The following TMEM232 variants were observed in gnomAD, a reference collection of about 807,000 sequenced individuals.
TMEM232 encodes the protein transmembrane protein 232.
A neutral mutation model predicts 78.8 loss-of-function variants in TMEM232; 80 were observed. The ratio of observed to expected loss-of-function variants is 1.01; its 90% confidence interval spans 0.85 to 1.22. The LOEUF (loss-of-function observed/expected upper bound fraction) is 1.22. Among genes scored for constraint, TMEM232 ranks in the 50% most tolerant of loss-of-function variants. The pLI, the probability that TMEM232 is intolerant of heterozygous loss-of-function variation, is 0.00. For missense variants in TMEM232, 881 were observed against 742.2 expected (o/e 1.19, Z -2.17); for synonymous variants, 297 against 254.3 (o/e 1.17, Z -1.60).
chr5:110,613,188 G>A (rs1782525261), intron 8 of TMEM232, among the ~76,000 whole-genome samples: 1 of 152,084 alleles, frequency 6.6e-6, no homozygotes, highest in African/African-American at 2.4e-5. Flanking sequence ...GAGCCCTTTT[G>A]TGGATCCTGA....
intron 12 of TMEM232, among the ~76,000 whole-genome samples, chr5:110,520,075 G>A (rs1433337747): frequency 1.4e-5 from 2 of 148,022 alleles, no homozygotes; most frequent in East Asian, 2.0e-4. Flanking sequence ...AGAGGATTAG[G>A]TAGGAGGAGT....
intron 1 of TMEM232, among the ~76,000 whole-genome samples, chr5:110,678,795 T>C (rs1248593591): frequency 1.3e-5 from 2 of 152,154 alleles, no homozygotes; most frequent in Admixed American, 6.5e-5. Context: ...CCTTTTCAGA[T>C]TGGCTTATTT....
In TMEM232 at chr5:110,528,701, G is replaced by T. The variant is rs1196129157; in HGVS notation, c.1590C>A (p.Pro530=). The T allele has an allele frequency of 2.0e-6, 3 of 1,534,652 alleles. No homozygotes were observed. The highest frequency in any genetic ancestry group is 2.0e-5 in the Admixed American group (1 of 50,850). The change falls in exon 12 of 14, where the codon CCC becomes CCA. Residue 530 remains proline, a synonymous_variant. Transcript: ENST00000455884. ...ANTLSKLFFP[P]IEAHFLPLKK... is the part of the protein sequence containing the mutation. ...TCAAAGGAAGAAAATGGGCCTCAAT[G>T]GGGGGAAAGAATAGTTTGGAAAGAG...
intron 10 of TMEM232, among the ~76,000 whole-genome samples, chr5:110,588,358 C>T (rs1374119721): frequency 6.6e-6 from 1 of 152,086 alleles, no homozygotes; most frequent in Non-Finnish European, 1.5e-5. Context: ...CACATGTCTT[C>T]ACATCATATT....
intron 13 of TMEM232, among the ~76,000 whole-genome samples, chr5:110,421,804 T>C (rs997949364): frequency 2.6e-5 from 4 of 152,208 alleles, no homozygotes; most frequent in African/African-American, 9.6e-5. Context: ...AATGTTAATA[T>C]ACTCATGTTA....
Position 110,643,218 on chromosome 5 carries a change from C to T in TMEM232, c.126-847G>A, listed in dbSNP as rs184876445. Among the ~76,000 whole-genome samples, 9 of 151,996 alleles carry T rather than the reference C, an allele frequency of 5.9e-5. No homozygotes were observed. The East Asian group carries it at 1.5e-3, about 26-fold the overall frequency. ...AAGATGGGGAAAATTGTTAGAGAAGCGGATGTGGGGTGAAGATAGAGAATA... is the reference window on the plus strand; with the variant it reads ...AAGATGGGGAAAATTGTTAGAGAAGTGGATGTGGGGTGAAGATAGAGAATA... On this transcript the variant is annotated intron_variant, in intron 2 of 13. Transcript: ENST00000455884.
chr5:110,732,640 A>G (rs189329264), intron 2 of TMEM232, among the ~76,000 whole-genome samples: 13 of 152,320 alleles, frequency 8.5e-5, no homozygotes, highest in Admixed American at 4.6e-4. Flanking sequence ...CCATGATTCA[A>G]TTACCTCCCC....
intron 2 of TMEM232, among the ~76,000 whole-genome samples, chr5:110,414,268 T>C (rs1004800658): frequency 2.0e-5 from 3 of 152,224 alleles, no homozygotes; most frequent in African/African-American, 7.2e-5. Flanking sequence ...ACAAGTGCAT[T>C]ATTTTTAATA....
At chr5:110,638,545 G>A (rs1786219786) in intron 4 of TMEM232, among the ~76,000 whole-genome samples, 190 bp from the exon 5 acceptor site, 1 of 152,096 alleles carries the variant, frequency 6.6e-6, no homozygotes, top group East Asian at 1.9e-4. Context: ...TTAAACTTGA[G>A]CAGGCCCTGT....
At chr5:110,484,631 A>T (rs1764262904) in intron 12 of TMEM232, among the ~76,000 whole-genome samples, 1 of 152,116 alleles carries the variant, frequency 6.6e-6, no homozygotes, top group Non-Finnish European at 1.5e-5. Context: ...TAAAATACAC[A>T]AACAGTAATC....
chr5:110,550,685 G>T (rs1443185493), intron 11 of TMEM232, among the ~76,000 whole-genome samples: 1 of 151,524 alleles, frequency 6.6e-6, no homozygotes, highest in African/African-American at 2.4e-5. Flanking sequence ...TAGAAATTGG[G>T]AAATACCTTA....
chr5:110,455,348 T>A (rs750817606), intron 12 of TMEM232, among the ~76,000 whole-genome samples: 1 of 151,996 alleles, frequency 6.6e-6, no homozygotes, highest in Non-Finnish European at 1.5e-5. Context: ...AAAAACCTAG[T>A]GAACAATATT....
rs539918226 is a variant in TMEM232, at chr5:110,597,121, G to A, written c.1276+7988C>T. Among the ~76,000 whole-genome samples the A allele has an allele frequency of 4.1e-4, 62 of 152,194 alleles. No individual in the cohort carries two copies. In the East Asian group the frequency reaches 0.011, roughly 27 times the overall value. On this transcript the variant is annotated intron_variant, in intron 10 of 13. Transcript: ENST00000455884. ...GATTGTATATCTAGAAAACCCCATT[G>A]TCTCAGCCCAAAATCTCCTTAAGCT...
intron 7 of TMEM232, among the ~76,000 whole-genome samples, chr5:110,622,704 C>T (rs1436125642): frequency 2.0e-5 from 3 of 151,904 alleles, no homozygotes; most frequent in African/African-American, 4.8e-5. Context: ...TGGGTATATA[C>T]CCAGTAATGG....
chr5:110,523,472 G>A (rs1038565793), intron 12 of TMEM232, among the ~76,000 whole-genome samples: 1 of 151,754 alleles, frequency 6.6e-6, no homozygotes, highest in African/African-American at 2.4e-5. Flanking sequence ...TGTAAATTTA[G>A]GTTGTTTATT....
chr5:110,546,515 A>C (rs1350203967), intron 11 of TMEM232, among the ~76,000 whole-genome samples: 1 of 152,136 alleles, frequency 6.6e-6, no homozygotes, highest in African/African-American at 2.4e-5. Context: ...GTTATGTTTC[A>C]CTCTATGTAG....
At chr5:110,549,141 AC>A (rs1263544513) in intron 11 of TMEM232, among the ~76,000 whole-genome samples, 8 of 152,144 alleles carry the variant, frequency 5.3e-5, no homozygotes, top group Admixed American at 1.3e-4. Context: ...TTAATAGTGT[AC>A]AAAACACATA....
intron 12 of TMEM232, among the ~76,000 whole-genome samples, chr5:110,455,309 TTAAAACA>T (rs1760776732): frequency 6.6e-6 from 1 of 152,030 alleles, no homozygotes; most frequent in African/African-American, 2.4e-5. Context: ...TGCCCTGATA[TTAAAACA>T]AACAAAAAAG....
At chr5:110,582,033 A>G (rs371934940) in intron 10 of TMEM232, among the ~76,000 whole-genome samples, 6 of 152,152 alleles carry the variant, frequency 3.9e-5, no homozygotes, top group African/African-American at 1.4e-4. Flanking sequence ...GTTGCAGAGA[A>G]AAGGGAATGC....
Sources: gnomAD v4.1 joint callset for allele counts (sites outside exome capture counted in the v4.1 genomes callset) on GRCh38, gnomAD v4.1.1 for gene constraint, MANE v1.5 for transcripts, NCBI Gene and HGNC (gene_info 2026-07-23, HGNC 2026-07-21) for gene names.